The following ENTPD6 variants were observed in gnomAD, a reference collection of about 807,000 sequenced individuals.
ENTPD6 encodes CD39 antigen-like 2.
Under a neutral mutation model 61.5 loss-of-function variants are expected in ENTPD6, and 46 were observed. The observed-to-expected ratio is 0.75, with a 90% CI of 0.59 to 0.96. The LOEUF is 0.96. Ranked by LOEUF, ENTPD6 falls within the 40% of genes least tolerant of loss-of-function variation. The probability of loss-of-function intolerance (pLI) is 0.00; values close to 1 mark genes in which losing one functional copy is unlikely to be tolerated. For synonymous variants in ENTPD6, 252 were observed against 255.5 expected, an observed-to-expected ratio of 0.99 and a Z score of 0.13; for missense variants, 612 against 629.0, an observed-to-expected ratio of 0.97 and a Z score of 0.29.
chr20:25,208,800 C>T (rs1296127118), intron 3 of ENTPD6, among the ~76,000 whole-genome samples: 1 of 152,210 alleles, frequency 6.6e-6, no homozygotes, highest in Non-Finnish European at 1.5e-5. Context: ...TTTGGAGTCA[C>T]TTATCCTATT....
At position 25,213,075 on chromosome 20, in the gene ENTPD6, G is replaced by A. The variant is rs537393021; in HGVS notation, c.454-188G>A. Among the ~76,000 whole-genome samples, 7 of 152,354 alleles carry A rather than the reference G, an allele frequency of 4.6e-5. No individual in the cohort carries two copies. The East Asian group carries it at 1.4e-3, about 29-fold the overall frequency. ...CCCAGCTACTTGGGAGGCTGAGGAA[G>A]GAGGATCACTTGAGCCCAGGAATTC... is the stretch of plus-strand genomic sequence containing the variant. On this transcript the variant is annotated intron_variant, in intron 4 of 14. Coordinates refer to ENST00000376652, the MANE Select transcript of ENTPD6 (RefSeq NM_001247.5).
In ENTPD6 at chr20:25,224,084, T is replaced by TG; in HGVS notation, c.1187-16dup. 6.2e-7 allele frequency: 1 copy of TG among 1,609,386 alleles called. No homozygotes were observed. On this transcript the variant is annotated splice_polypyrimidine_tract_variant and intron_variant, in intron 12 of 14. Transcript: ENST00000376652. ...CCTCACAGTGCTCCTGCAGACTGGGTGTTGTGTCTCCCACAGATGCGGAGA... is the reference window on the plus strand; with the variant it reads ...CCTCACAGTGCTCCTGCAGACTGGGTGGTTGTGTCTCCCACAGATGCGGAGA...
At chr20:25,213,715 C>CA (rs1408469898) in intron 5 of ENTPD6, among the ~76,000 whole-genome samples, 1 of 152,146 alleles carries the variant, frequency 6.6e-6, no homozygotes, top group African/African-American at 2.4e-5. Context: ...TCTGGGAGGC[C>CA]AAGGCGGGCG....
At position 25,221,308 on chromosome 20, in the gene ENTPD6, G is replaced by C. The variant is rs148358000; in HGVS notation, c.1020G>C (p.Thr340=). 1.2e-6 allele frequency: 2 copies of C among 1,614,056 alleles called. No homozygotes were observed. Among genetic ancestry groups the C allele is most frequent in the African/African-American group, 1.3e-5 (1 of 74,942 alleles). Residue 340 remains threonine, a synonymous_variant, in exon 11 of 15, where the codon ACG becomes ACC. Transcript: ENST00000376652. ...GAGAGTGGGAACACGCAGAAGTCACGTACAGGGTTTCAGGGCAGAAAGCAG... is the reference window on the plus strand; with the variant it reads ...GAGAGTGGGAACACGCAGAAGTCACCTACAGGGTTTCAGGGCAGAAAGCAG... The part of the protein sequence containing the change: ...FKGEWEHAEV[T]YRVSGQKAAA...
At chr20:25,196,388 G>T in intron 1 of ENTPD6, 1 of 228,294 alleles carries the variant, frequency 4.4e-6, no homozygotes. Context: ...GAATGCCCTG[G>T]ACCGAGGGAG....
At chr20:25,196,989 G>A in intron 1 of ENTPD6, 1 of 553,408 alleles carries the variant, frequency 1.8e-6, no homozygotes, top group Non-Finnish European at 2.3e-6. Context: ...AAAGGAAACA[G>A]CAGGTGGTGT....
intron 1 of ENTPD6, among the ~76,000 whole-genome samples, chr20:25,204,082 G>A (rs1333151795): frequency 6.6e-6 from 1 of 152,098 alleles, no homozygotes; most frequent in East Asian, 1.9e-4. Context: ...CTTCCCTTTG[G>A]AATATACCAA....
At chr20:25,223,027 CGGGGGT>C in intron 12 of ENTPD6, 49 bp downstream of exon 12, 1 of 490,362 alleles carries the variant, frequency 2.0e-6, no homozygotes, top group Non-Finnish European at 3.2e-6. Context: ...CGGCAGGGGG[CGGGGGT>C]GGAGGGCGTG....
chr20:25,221,548 C>A, intron 11 of ENTPD6: 1 of 603,524 alleles, frequency 1.7e-6, no homozygotes, highest in East Asian at 3.0e-5. Flanking sequence ...GTTCAACATT[C>A]CCCTGACTGT....
At chr20:25,218,362 C>A (rs1262814203) in intron 9 of ENTPD6, among the ~76,000 whole-genome samples, 188 bp from the exon 10 acceptor site, 1 of 152,212 alleles carries the variant, frequency 6.6e-6, no homozygotes, top group East Asian at 1.9e-4. Context: ...GATAGGCCCT[C>A]GTGTGTTGAA....
Position 25,225,614 on chromosome 20 carries a change from G to T in ENTPD6, c.*17G>T. ...GCCTCATAGTGGCCGAGCCATCCCTGTCCCCGTCAGCAGTGTCTGTGTGTC... is the reference window on the plus strand; with the variant it reads ...GCCTCATAGTGGCCGAGCCATCCCTTTCCCCGTCAGCAGTGTCTGTGTGTC... On this transcript the variant is annotated 3_prime_UTR_variant, in exon 15 of 15. Transcript: ENST00000376652. 6.2e-7 allele frequency: 1 copy of T among 1,601,928 alleles called. No homozygotes were observed.
intron 5 of ENTPD6, among the ~76,000 whole-genome samples, chr20:25,214,086 G>A (rs1447703655): frequency 1.3e-5 from 2 of 152,060 alleles, no homozygotes; most frequent in Non-Finnish European, 2.9e-5. Flanking sequence ...CTGGTCCGAT[G>A]CTCAGACGTG....
At position 25,207,141 on chromosome 20, in the gene ENTPD6, G is replaced by A. The variant is rs1321788159; in HGVS notation, c.120G>A (p.Val40=). The change falls in exon 3 of 15, where the codon GTG becomes GTA. Residue 40 remains valine (V), a synonymous_variant. Coordinates refer to ENST00000376652, the MANE Select transcript of ENTPD6 (RefSeq NM_001247.5). ...TATCCAACCACGGGAGCCTGCGGGT[G>A]GCGAAGGTGGCATACCCCCTGGGGC... ...RKISNHGSLR[V]AKVAYPLGLC... The A allele has an allele frequency of 1.2e-6, 2 of 1,613,892 alleles. No individual in the cohort carries two copies. Among genetic ancestry groups the A allele is most frequent in the Non-Finnish European group, 1.7e-6 (2 of 1,179,834 alleles).
rs1313160250 is a variant in ENTPD6, at chr20:25,221,137, T to C, written c.944-95T>C. On this transcript the variant is annotated intron_variant, in intron 10 of 14. Transcript: ENST00000376652. ...GGAAGCCACTCAGCTTCCCCCATCCTGTGTCAAGCCAGGGCCTCCGCGACT... is the reference window on the plus strand; with the variant it reads ...GGAAGCCACTCAGCTTCCCCCATCCCGTGTCAAGCCAGGGCCTCCGCGACT... The C allele has an allele frequency of 1.8e-5, 16 of 900,212 alleles. 1 individual carries two copies. The highest frequency in any genetic ancestry group is 3.3e-5 in the African/African-American group (2 of 60,610). 55.8% of individuals were successfully genotyped at this position (900,212 alleles called of 1,614,324 possible). A position where few individuals can be genotyped will look rare whatever the true frequency, so the allele number is the denominator to read the frequency against.
intron 5 of ENTPD6, 88 bp downstream of exon 5, chr20:25,213,494 C>A: frequency 7.2e-7 from 1 of 1,386,402 alleles, no homozygotes; most frequent in Admixed American, 2.4e-5. Flanking sequence ...AGTGCCGCAC[C>A]ATCAGGCAGG....
intron 1 of ENTPD6, among the ~76,000 whole-genome samples, chr20:25,201,016 T>C (rs1224836882): frequency 1.3e-5 from 2 of 152,270 alleles, no homozygotes; most frequent in Admixed American, 6.5e-5. Flanking sequence ...GTTTTTGTTT[T>C]CACTTATCTC....
At chr20:25,197,159 C>G in intron 1 of ENTPD6, 2 of 985,410 alleles carry the variant, frequency 2.0e-6, no homozygotes, top group Non-Finnish European at 2.4e-6. Flanking sequence ...AACTGAAAAC[C>G]TGAAGAAACT....
rs767600363 is a variant in ENTPD6, at chr20:25,214,974, G to C, written c.673+32G>C. The C allele has an allele frequency of 3.5e-6, 5 of 1,449,168 alleles. No homozygotes were observed. The Admixed American group carries it at 5.0e-5, about 15-fold the overall frequency. 89.8% of individuals were successfully genotyped at this position (1,449,168 alleles called of 1,614,324 possible). On this transcript the variant is annotated intron_variant, in intron 6 of 14. Transcript: ENST00000376652. ...GGCTGGAAGCACCTCTGTACAGTGG[G>C]GCTGTGCAGTGAGGTGGGTGGGAGC...
At chr20:25,222,688 C>A in intron 11 of ENTPD6, 150 bp from the exon 12 acceptor site, 1 of 1,030,760 alleles carries the variant, frequency 9.7e-7, no homozygotes, top group Non-Finnish European at 1.4e-6. Flanking sequence ...GGGAGCAGCC[C>A]CAACTTGGGG....
Sources: gnomAD v4.1 joint callset for allele counts (sites outside exome capture counted in the v4.1 genomes callset) on GRCh38, gnomAD v4.1.1 for gene constraint, MANE v1.5 for transcripts, NCBI Gene and HGNC (gene_info 2026-07-23, HGNC 2026-07-21) for gene names.